The following L3MBTL2 variants were observed in gnomAD, a reference collection of about 807,000 sequenced individuals.
L3MBTL2 encodes L3MBTL histone methyl-lysine binding protein 2.
L3MBTL2 carries 49 observed loss-of-function variants against 86.4 expected under a neutral mutation model. The ratio of observed to expected loss-of-function variants is 0.57; its 90% CI spans 0.45 to 0.72. The LOEUF is 0.72. Ranked by LOEUF, L3MBTL2 falls within the 30% of genes least tolerant of loss-of-function variation. The pLI is 0.00. For missense variants in L3MBTL2, 755 were observed against 923.7 expected (o/e 0.82, Z 2.37); for synonymous variants, 336 against 350.6 (o/e 0.96, Z 0.47).
intron 12 of L3MBTL2, 122 bp from the exon 13 acceptor site, chr22:41,226,540 C>T: frequency 1.4e-6 from 1 of 738,424 alleles, no homozygotes; most frequent in Non-Finnish European, 2.4e-6. Context: ...AAGAAGGCTG[C>T]TGGGGAGACT....
At chr22:41,206,714 GC>G (rs924539547) in intron 1 of L3MBTL2, among the ~76,000 whole-genome samples, 1 of 152,008 alleles carries the variant, frequency 6.6e-6, no homozygotes, top group Non-Finnish European at 1.5e-5. Context: ...CGGGAGAATG[GC>G]GTGAACGTGG....
In L3MBTL2 at chr22:41,227,475, C is replaced by T; in HGVS notation, c.1822+152C>T. On this transcript the variant is annotated intron_variant, in intron 14 of 16. Transcript: ENST00000216237. This position sits in a 1 kb window ranked among gnomAD's most constrained non-coding sequence, Gnocchi z 6.0. ...TAGAGAGTGAGCCCCGTCACCCAGC[C>T]CCTGCTCCTGACTTCTCTGTCTCCC... 8.2e-7 allele frequency: 1 copy of T among 1,217,974 alleles called. No homozygotes were observed. Among genetic ancestry groups the T allele is most frequent in the Non-Finnish European group, 1.2e-6 (1 of 845,618 alleles). 75.4% of individuals were successfully genotyped at this position (1,217,974 alleles called of 1,614,324 possible). A position where few individuals can be genotyped will look rare whatever the true frequency, so the allele number is the denominator to read the frequency against.
chr22:41,224,866 G>A lies in L3MBTL2; in HGVS notation c.1251+65G>A. On this transcript the variant is annotated intron_variant, in intron 10 of 16. Coordinates refer to ENST00000216237, the MANE Select transcript of L3MBTL2 (RefSeq NM_031488.5). The surrounding 1 kb of genome is among the most constrained non-coding windows in gnomAD (Gnocchi z 4.9). Reference sequence around the variant, plus strand: ...GGTCCATTCCGGGCCTGAGGGACCTGGCTCTTCCCCTGGGACCATCCCTTT... The same window carrying A: ...GGTCCATTCCGGGCCTGAGGGACCTAGCTCTTCCCCTGGGACCATCCCTTT... 3 of 1,560,920 alleles carry A rather than the reference G, an allele frequency of 1.9e-6. No homozygotes were observed. Among genetic ancestry groups the A allele is most frequent in the South Asian group, 2.2e-5 (2 of 89,814 alleles).
In L3MBTL2 at chr22:41,227,349, G is replaced by C; in HGVS notation, c.1822+26G>C. On this transcript the variant is annotated intron_variant, in intron 14 of 16. Transcript: ENST00000216237. The surrounding 1 kb of genome is among the most constrained non-coding windows in gnomAD (Gnocchi z 6.0). ...GTGTGGGCTCTCGTGGCCCTAAGAGGCTCTGACTTTCTTTCCTCTTCTTTT... is the reference window on the plus strand; with the variant it reads ...GTGTGGGCTCTCGTGGCCCTAAGAGCCTCTGACTTTCTTTCCTCTTCTTTT... 6.4e-7 allele frequency: 1 copy of C among 1,552,132 alleles called. No individual in the cohort carries two copies. The highest frequency in any genetic ancestry group is 8.7e-7 in the Non-Finnish European group (1 of 1,143,416).
intron 2 of L3MBTL2, among the ~76,000 whole-genome samples, chr22:41,210,581 G>A (rs569167194): frequency 6.6e-5 from 10 of 152,196 alleles, no homozygotes; most frequent in Middle Eastern, 3.4e-3. Flanking sequence ...CACCCGCCTC[G>A]GCCTCCCAAA....
rs760652103 is a variant in L3MBTL2 at position 41,226,742 on chromosome 22, A to G, written c.1585A>G (p.Met529Val). The G allele has an allele frequency of 1.2e-6, 2 of 1,612,372 alleles. No homozygotes were observed. Among genetic ancestry groups the G allele is most frequent in the Non-Finnish European group, 1.7e-6 (2 of 1,178,492 alleles). ...AGCCGCTCCATCGAGACTCTTTAACATGGTGAGGAGACTGAAGTGGAGCAA... is the reference window on the plus strand; with the variant it reads ...AGCCGCTCCATCGAGACTCTTTAACGTGGTGAGGAGACTGAAGTGGAGCAA... The part of the protein sequence containing the change: ...SKAAPSRLFN[M>V]DCPNHGFKVG... Residue 529 changes from methionine to valine, a missense_variant and splice_region_variant, in exon 13 of 17, where the codon ATG becomes GTG. By Grantham distance (21) the Met-to-Val change is conservative. Around this residue, in one of 3 missense-constraint regions of L3MBTL2, gnomAD observed 634 missense variants for 748.9 expected, o/e 0.85. Coordinates refer to ENST00000216237, the MANE Select transcript of L3MBTL2 (RefSeq NM_031488.5).
In L3MBTL2 at chr22:41,212,805, G is replaced by T. The variant is rs564805643; in HGVS notation, c.263-1088G>T. On this transcript the variant is annotated intron_variant, in intron 2 of 16. Coordinates refer to ENST00000216237, the MANE Select transcript of L3MBTL2 (RefSeq NM_031488.5). Reference sequence around the variant, plus strand: ...AGCTACTCAAGAGGCTGAGGCAGGAGAATCCCTTGAACCCGGGAGTCGAAG... The same window carrying T: ...AGCTACTCAAGAGGCTGAGGCAGGATAATCCCTTGAACCCGGGAGTCGAAG... Among the ~76,000 whole-genome samples the T allele has an allele frequency of 3.3e-5, 5 of 151,398 alleles. No individual in the cohort carries two copies. The South Asian group carries it at 8.4e-4, about 25-fold the overall frequency.
chr22:41,224,647 G>A lies in L3MBTL2; in HGVS notation c.1175-78G>A. On this transcript the variant is annotated intron_variant, in intron 9 of 16. Coordinates refer to ENST00000216237, the MANE Select transcript of L3MBTL2 (RefSeq NM_031488.5). This position sits in a 1 kb window ranked among gnomAD's most constrained non-coding sequence, Gnocchi z 4.9. ...CGTGCAGAGCAGCCCCACATTCCCA[G>A]GGGAGGCGTGTGGAGATGGCCCAGG... The A allele has an allele frequency of 9.6e-7, 1 of 1,041,630 alleles. No individual in the cohort carries two copies. The highest frequency in any genetic ancestry group is 2.4e-5 in the East Asian group (1 of 42,066). 64.5% of individuals were successfully genotyped at this position (1,041,630 alleles called of 1,614,324 possible). A position where few individuals can be genotyped will look rare whatever the true frequency, so the allele number is the denominator to read the frequency against.
At chr22:41,211,441 A>C (rs1392017315) in intron 2 of L3MBTL2, among the ~76,000 whole-genome samples, 2 of 151,730 alleles carry the variant, frequency 1.3e-5, no homozygotes, top group Non-Finnish European at 2.9e-5. Context: ...CCCAAGCTCA[A>C]GTGATCCCCC....
rs3804097 is a variant in L3MBTL2, at chr22:41,205,381, A to G, written c.19A>G (p.Ile7Val). 1.3e-3 allele frequency: 2,080 copies of G among 1,614,132 alleles called. 38 individuals carry two copies. In the East Asian group the frequency reaches 0.039, roughly 30 times the overall value. ...AGGTCTCATGGAGAAGCCCCGGAGT[A>G]TTGAGGTGAGAAGGCGAGGACTTAG... The part of the protein sequence containing the change: MEKPRS[I>V]EETPSSEPME... The change falls in exon 1 of 17, where the codon ATT (isoleucine) becomes GTT (valine). Residue 7 changes from isoleucine (I) to valine (V), a missense_variant. Transcript: ENST00000216237.
intron 3 of L3MBTL2, among the ~76,000 whole-genome samples, chr22:41,215,109 A>G (rs1266206634): frequency 6.6e-6 from 1 of 152,140 alleles, no homozygotes; most frequent in Non-Finnish European, 1.5e-5. Flanking sequence ...CCTAATGTGC[A>G]GCGAAGTTTG....
At chr22:41,215,638 G>A (rs976759335) in intron 3 of L3MBTL2, among the ~76,000 whole-genome samples, 2 of 151,782 alleles carry the variant, frequency 1.3e-5, no homozygotes, top group African/African-American at 2.4e-5. Flanking sequence ...CCAAACATTC[G>A]CCTATGTGGA....
chr22:41,230,043 A>G lies in L3MBTL2; in HGVS notation c.2006-96A>G, dbSNP rs575125163. The G allele has an allele frequency of 1.0e-5, 9 of 878,118 alleles. No homozygotes were observed. In the East Asian group the frequency reaches 2.0e-4, roughly 20 times the overall value. The allele number at this position is 878,118 out of a possible 1,614,324, so 54.4% of individuals were successfully genotyped here. A position where few individuals can be genotyped will look rare whatever the true frequency, so the allele number is the denominator to read the frequency against. On this transcript the variant is annotated intron_variant, in intron 16 of 16. Transcript: ENST00000216237. ...GGGTGAAGGTGCATCCTAGGCCCCC[A>G]TCTGTAGGGAGCCAGGTCCCTTTCC...
chr22:41,230,236 G>A lies in L3MBTL2; in HGVS notation c.2103G>A (p.Gln701=), dbSNP rs111312420. Residue 701 remains glutamine, a synonymous_variant, in exon 17 of 17, where the codon CAG becomes CAA. Coordinates refer to ENST00000216237, the MANE Select transcript of L3MBTL2 (RefSeq NM_031488.5). ...CTGTCTCCGTCGAGAACATCAAGCA[G>A]GAAACAGACGACTGAGCCTTCCTGC... The part of the protein sequence containing the change: ...ELPVSVENIK[Q]ETDD 6.5e-5 allele frequency: 105 copies of A among 1,613,632 alleles called. 6 individuals carry two copies. In the African/African-American group the frequency reaches 7.6e-4, roughly 12 times the overall value.
Position 41,224,681 on chromosome 22 carries a change from C to T in L3MBTL2, c.1175-44C>T. On this transcript the variant is annotated intron_variant, in intron 9 of 16. Transcript: ENST00000216237. This position sits in a 1 kb window ranked among gnomAD's most constrained non-coding sequence, Gnocchi z 4.9. The stretch of plus-strand genomic sequence containing the variant: ...TGTGGAGATGGCCCAGGAGCCGCCT[C>T]CAACTCCCTTCTCTCCCTCATTCCC... The T allele has an allele frequency of 6.6e-7, 1 of 1,510,578 alleles. No homozygotes were observed. 93.6% of individuals were successfully genotyped at this position (1,510,578 alleles called of 1,614,324 possible).
intron 16 of L3MBTL2, 145 bp downstream of exon 16, chr22:41,229,801 C>CTG: frequency 1.4e-6 from 2 of 1,390,128 alleles, no homozygotes; most frequent in South Asian, 1.2e-5. Flanking sequence ...TACCACTGGA[C>CTG]CCAGGGTGTT....
chr22:41,221,862 C>G (rs1454857119), intron 8 of L3MBTL2, among the ~76,000 whole-genome samples: 1 of 151,134 alleles, frequency 6.6e-6, no homozygotes, highest in Non-Finnish European at 1.5e-5. Context: ...CTCGGCCTCC[C>G]AAAGTGCTGG....
chr22:41,221,930 G>C (rs1176529762), intron 8 of L3MBTL2, among the ~76,000 whole-genome samples: 1 of 150,538 alleles, frequency 6.6e-6, no homozygotes, highest in African/African-American at 2.5e-5. Flanking sequence ...ATAGAGTCTC[G>C]CTCTGTTGCC....
chr22:41,212,156 T>C (rs536960105), intron 2 of L3MBTL2, among the ~76,000 whole-genome samples: 1 of 151,270 alleles, frequency 6.6e-6, no homozygotes, highest in East Asian at 2.0e-4. Flanking sequence ...GAGCCACCGC[T>C]CCCGGCCTTA....
Sources: allele counts gnomAD v4.1 joint callset (sites outside exome capture counted in the v4.1 genomes callset), GRCh38; gene constraint gnomAD v4.1.1; regional missense constraint gnomAD v4.1.1; non-coding constraint Gnocchi (gnomAD v3.1); transcripts MANE v1.5; gene names NCBI Gene and HGNC (gene_info 2026-07-23, HGNC 2026-07-21).